Variants in TBC1D17 observed in about 807,000 individuals in gnomAD.
The protein encoded by TBC1D17 is TBC1 domain family, member 17.
A neutral mutation model predicts 78.8 loss-of-function variants in TBC1D17; 69 were observed. That is an observed-to-expected ratio of 0.88 (90% confidence interval 0.72 to 1.07). The LOEUF (loss-of-function observed/expected upper bound fraction) is 1.07, where lower values mean the gene tolerates loss of function less well. TBC1D17 is among the 50% of genes least tolerant of loss of function. TBC1D17 has a pLI of 0.00. For missense variants in TBC1D17, 957 were observed against 861.0 expected (o/e 1.11, Z -1.39); for synonymous variants, 456 against 358.3 (o/e 1.27, Z -3.08).
At chr19:49,877,877 C>A in intron 1 of TBC1D17, 133 bp downstream of exon 1, 2 of 1,125,116 alleles carry the variant, frequency 1.8e-6, no homozygotes, top group South Asian at 1.6e-5. Context: ...TATAAACGCG[C>A]CGTCACCCTC....
In TBC1D17 at chr19:49,882,886, C is replaced by T. The variant is rs765782437; in HGVS notation, c.921C>T (p.Phe307=). The change falls in exon 8 of 17, where the codon TTC becomes TTT. Residue 307 remains phenylalanine, a synonymous_variant. Transcript: ENST00000221543. The part of the protein sequence containing the change: ...QQVPELKNRI[F]SGGLSPSLRR... ...TCCCTGAGCTGAAGAACCGGATCTTCTCGGGGGTGAGTGCCAGGACAGGTG... is the reference window on the plus strand; with the variant it reads ...TCCCTGAGCTGAAGAACCGGATCTTTTCGGGGGTGAGTGCCAGGACAGGTG... The T allele has an allele frequency of 1.9e-6, 3 of 1,607,236 alleles. No homozygotes were observed. Among genetic ancestry groups the T allele is most frequent in the South Asian group, 2.2e-5 (2 of 90,704 alleles).
chr19:49,884,083 C>T (rs544862391), intron 10 of TBC1D17, among the ~76,000 whole-genome samples, 170 bp from the exon 11 acceptor site: 1 of 152,304 alleles, frequency 6.6e-6, no homozygotes, highest in South Asian at 2.1e-4. Context: ...TGGCGCCTCA[C>T]AGCAGGAGCA....
chr19:49,882,650 CT>C (rs1215961159), intron 7 of TBC1D17, 113 bp from the exon 8 acceptor site: 77 of 1,427,402 alleles, frequency 5.4e-5, no homozygotes, highest in Non-Finnish European at 6.1e-5. Flanking sequence ...CTGCCTGCCC[CT>C]GAATGTTAGT....
rs764531503 is a variant in TBC1D17 at position 49,882,085 on chromosome 19, C to T, written c.572C>T (p.Ser191Phe). The T allele has an allele frequency of 4.8e-5, 77 of 1,614,046 alleles. No individual in the cohort carries two copies. The highest frequency in any genetic ancestry group is 2.7e-4 in the Admixed American group (16 of 60,014). ...SRLYLVFPHD[S>F]SALSNSFHHL... ...CTCTACCTTGTCTTCCCCCACGACT[C>T]CTCTGCTCTCTCCAACTCCTTCCAC... is the stretch of plus-strand genomic sequence containing the variant. The change falls in exon 6 of 17, where the codon TCC (serine) becomes TTC (phenylalanine). Residue 191 changes from serine to phenylalanine, a missense_variant. Ser to Phe is a radical substitution (Grantham distance 155, BLOSUM62 -2). Coordinates refer to ENST00000221543, the MANE Select transcript of TBC1D17 (RefSeq NM_024682.3).
chr19:49,878,433 C>G, intron 2 of TBC1D17, 65 bp from the exon 3 acceptor site: 1 of 1,499,600 alleles, frequency 6.7e-7, no homozygotes, highest in Non-Finnish European at 9.3e-7. Flanking sequence ...TGGAAATTTG[C>G]AACGGAAAGT....
chr19:49,881,358 G>C lies in TBC1D17; in HGVS notation c.410G>C (p.Ser137Thr). 6.2e-7 allele frequency: 1 copy of C among 1,613,420 alleles called. No homozygotes were observed. The highest frequency in any genetic ancestry group is 8.5e-7 in the Non-Finnish European group (1 of 1,180,004). ...ATCCGCCGCTCCAAGCCAGGCCTCA[G>C]CTGGGCCTACCTGGTTCTGGTGACC... Reference protein sequence around the residue: ...KSIRRSKPGLSWAYLVLVTQA... With the variant: ...KSIRRSKPGLTWAYLVLVTQA... The change falls in exon 5 of 17, where the codon AGC becomes ACC. Residue 137 changes from serine (S) to threonine (T), a missense_variant. By Grantham distance (58) the Ser-to-Thr change is moderately conservative. Coordinates refer to ENST00000221543, the MANE Select transcript of TBC1D17 (RefSeq NM_024682.3).
At position 49,884,302 on chromosome 19, in the gene TBC1D17, C is replaced by T. The variant is rs113433758; in HGVS notation, c.1176C>T (p.Pro392=). Residue 392 remains proline (P), a synonymous_variant, in exon 11 of 17, where the codon CCC becomes CCT. Coordinates refer to ENST00000221543, the MANE Select transcript of TBC1D17 (RefSeq NM_024682.3). The part of the protein sequence containing the change: ...TDRTNKFYEG[P]ENPGLGLLND... ...GGACCAACAAGTTCTACGAGGGTCC[C>T]GAGAACCCGGGGCTGGGCCTGCTGA... 475 of 1,613,856 alleles carry T rather than the reference C, an allele frequency of 2.9e-4. No individual in the cohort carries two copies. The highest frequency in any genetic ancestry group is 6.6e-4 in the Middle Eastern group (4 of 6,084).
chr19:49,887,689 C>T, intron 14 of TBC1D17, 29 bp from the exon 15 acceptor site: 11 of 1,597,306 alleles, frequency 6.9e-6, no homozygotes, highest in Non-Finnish European at 9.4e-6. Flanking sequence ...GCTATGACCT[C>T]CCTCCCTCCC....
At chr19:49,883,569 C>T (rs1002622302) in intron 9 of TBC1D17, 82 bp from the exon 10 acceptor site, 7 of 1,274,442 alleles carry the variant, frequency 5.5e-6, no homozygotes, top group Non-Finnish European at 7.9e-6. Context: ...CAGGGCTGAC[C>T]TGGGAGGTGG....
chr19:49,883,413 T>C (rs1478945227), intron 9 of TBC1D17, among the ~76,000 whole-genome samples: 2 of 152,158 alleles, frequency 1.3e-5, no homozygotes, highest in African/African-American at 4.8e-5. Flanking sequence ...CTGTCCCTGG[T>C]GCCCTGTCCA....
chr19:49,884,232 C>T, intron 10 of TBC1D17, 21 bp from the exon 11 acceptor site: 1 of 1,610,182 alleles, frequency 6.2e-7, no homozygotes, highest in Non-Finnish European at 8.5e-7. Context: ...CACCTTTGCA[C>T]CCTGTGCCCG....
At chr19:49,879,849 CTTT>C (rs35413614) in intron 3 of TBC1D17, among the ~76,000 whole-genome samples, 24 of 119,424 alleles carry the variant, frequency 2.0e-4, no homozygotes, top group Non-Finnish European at 2.3e-4. Context: ...TTTCTTTTTT[CTTT>C]TTTTTTTTTT....
chr19:49,888,075 C>A, intron 15 of TBC1D17, 156 bp from the exon 16 acceptor site: 11 of 1,254,800 alleles, frequency 8.8e-6, no homozygotes, highest in South Asian at 1.4e-5. Context: ...AGAATGCTCC[C>A]GGAGGCCTGA....
At chr19:49,888,080 G>A in intron 15 of TBC1D17, 151 bp from the exon 16 acceptor site, 2 of 1,277,418 alleles carry the variant, frequency 1.6e-6, no homozygotes, top group Non-Finnish European at 2.2e-6. Context: ...GCTCCCGGAG[G>A]CCTGAGAAGC....
chr19:49,878,935 G>A (rs145787442), intron 3 of TBC1D17: 5 of 253,900 alleles, frequency 2.0e-5, no homozygotes, highest in East Asian at 2.0e-4. Context: ...CACCCACTTC[G>A]TCACTGCTCC....
intron 4 of TBC1D17, 27 bp from the exon 5 acceptor site, chr19:49,881,241 T>A: frequency 6.3e-7 from 1 of 1,592,064 alleles, no homozygotes; most frequent in Non-Finnish European, 8.6e-7. Flanking sequence ...CCCACGCGCT[T>A]CCCCCAACAC....
At chr19:49,879,127 C>G (rs1568672549) in intron 3 of TBC1D17, 2 of 152,762 alleles carry the variant, frequency 1.3e-5, no homozygotes, top group Admixed American at 1.3e-4. Context: ...TGCACCCAGA[C>G]AGTCTGATTC....
At chr19:49,881,543 CG>C in intron 5 of TBC1D17, 68 bp downstream of exon 5, 3 of 1,466,828 alleles carry the variant, frequency 2.0e-6, no homozygotes, top group Non-Finnish European at 1.9e-6. Flanking sequence ...CGTGACCCCT[CG>C]GGGCTGTGAA....
At chr19:49,888,145 A>C in intron 15 of TBC1D17, 86 bp from the exon 16 acceptor site, 1 of 1,545,200 alleles carries the variant, frequency 6.5e-7, no homozygotes, top group Admixed American at 2.0e-5. Context: ...GTGTGTCTTC[A>C]TTGTTTCCCA....
Sources: gnomAD v4.1 joint callset for allele counts (sites outside exome capture counted in the v4.1 genomes callset) on GRCh38, gnomAD v4.1.1 for gene constraint, MANE v1.5 for transcripts, NCBI Gene and HGNC (gene_info 2026-07-23, HGNC 2026-07-21) for gene names.